The following SLC25A26 variants were observed in gnomAD, a reference collection of about 807,000 sequenced individuals.
SLC25A26 encodes solute carrier family 25 member 26.
SLC25A26 carries 36 observed loss-of-function variants against 37.8 expected under a neutral mutation model. The ratio of observed to expected loss-of-function variants is 0.95; its 90% confidence interval spans 0.73 to 1.26. The LOEUF (loss-of-function observed/expected upper bound fraction) is 1.26. SLC25A26 is among the 50% of genes most tolerant of loss of function. The probability of loss-of-function intolerance (pLI) is 0.00; values close to 1 mark genes in which losing one functional copy is unlikely to be tolerated. For synonymous variants in SLC25A26, 129 were observed against 122.5 expected, an observed-to-expected ratio of 1.05 and a Z score of -0.35; for missense variants, 390 against 331.1, an observed-to-expected ratio of 1.18 and a Z score of -1.38.
At chr3:66,194,243 A>G (rs2071000360) in intron 1 of SLC25A26, among the ~76,000 whole-genome samples, 2 of 152,138 alleles carry the variant, frequency 1.3e-5, no homozygotes, top group Non-Finnish European at 2.9e-5. Context: ...TGTTTTGCTC[A>G]TTGTGTATTT....
chr3:66,328,409 C>T (rs2075890972), intron 5 of SLC25A26, among the ~76,000 whole-genome samples: 1 of 152,110 alleles, frequency 6.6e-6, no homozygotes, highest in African/African-American at 2.4e-5. Flanking sequence ...ACATGTGGTC[C>T]TAACACATTA....
intron 5 of SLC25A26, among the ~76,000 whole-genome samples, chr3:66,301,448 A>G (rs2075073193): frequency 6.6e-6 from 1 of 152,176 alleles, no homozygotes; most frequent in African/African-American, 2.4e-5. Flanking sequence ...CAATTCGTCT[A>G]TGCCTTTTGA....
chr3:66,236,146 A>G (rs953394206), intron 1 of SLC25A26, among the ~76,000 whole-genome samples: 2 of 149,012 alleles, frequency 1.3e-5, no homozygotes, highest in South Asian at 2.1e-4. Context: ...TCCTGGCCTC[A>G]AGTGATCCTC....
In SLC25A26 at chr3:66,140,879, G is replaced by A. The variant is rs779347558; in HGVS notation, c.-354+6895G>A. ...AGGCATGATTGAACTAACAGGTTCCGGACTGCCAAGTCCCTTGCAAGACTT... is the reference window on the plus strand; with the variant it reads ...AGGCATGATTGAACTAACAGGTTCCAGACTGCCAAGTCCCTTGCAAGACTT... On this transcript the variant is annotated intron_variant, in intron 1 of 10. Transcript: ENST00000676754. 5.3e-4 allele frequency among the ~76,000 whole-genome samples: 80 copies of A among 152,038 alleles called. 1 individual carries two copies. The highest frequency in any genetic ancestry group is 1.3e-3 in the Admixed American group (20 of 15,258).
chr3:66,199,232 A>T (rs1344411069), intron 1 of SLC25A26, among the ~76,000 whole-genome samples: 2 of 150,460 alleles, frequency 1.3e-5, no homozygotes, highest in Admixed American at 1.3e-4. Flanking sequence ...CCTGAACCTG[A>T]CTCTCACCCT....
intron 1 of SLC25A26, among the ~76,000 whole-genome samples, chr3:66,145,895 A>C (rs1000607396): frequency 7.5e-6 from 1 of 133,586 alleles, no homozygotes; most frequent in African/African-American, 2.9e-5. Context: ...TTTGAAAAAA[A>C]GCAAATAACT....
At position 66,378,091 on chromosome 3, in the gene SLC25A26, T is replaced by C. The variant is rs1242991156; in HGVS notation, c.*284T>C. 6 of 298,530 alleles carry C rather than the reference T, an allele frequency of 2.0e-5. No individual in the cohort carries two copies. The highest frequency in any genetic ancestry group is 6.3e-5 in the African/African-American group (3 of 47,644). The allele number at this position is 298,530 out of a possible 1,614,324, so 18.5% of individuals were successfully genotyped here. On this transcript the variant is annotated 3_prime_UTR_variant, in exon 10 of 10. Coordinates refer to ENST00000354883, the MANE Select transcript of SLC25A26 (RefSeq NM_001379210.1). ...GTTTGGTAATGCTGAGGCCAGGCCT[T>C]TTAGAGCTTTCATTTGATCTGTATC... is the stretch of plus-strand genomic sequence containing the variant.
intron 1 of SLC25A26, among the ~76,000 whole-genome samples, chr3:66,204,501 A>C (rs2071153072): frequency 6.6e-6 from 1 of 152,114 alleles, no homozygotes; most frequent in African/African-American, 2.4e-5. Flanking sequence ...ATTTGATAGA[A>C]GTATGAAATC....
chr3:66,364,473 G>C (rs188547447), intron 7 of SLC25A26, among the ~76,000 whole-genome samples: 52 of 152,280 alleles, frequency 3.4e-4, no homozygotes, highest in African/African-American at 1.2e-3. Flanking sequence ...TACACATCTA[G>C]CACAGGCTGA....
At chr3:66,188,859 C>T (rs1453450990) in intron 1 of SLC25A26, among the ~76,000 whole-genome samples, 5 of 152,000 alleles carry the variant, frequency 3.3e-5, no homozygotes, top group African/African-American at 9.7e-5. Flanking sequence ...CTGTTCGTCA[C>T]GCTGAACCTG....
rs2076658091 is a variant in SLC25A26, at chr3:66,359,852, A to G, written c.499-3008A>G. On this transcript the variant is annotated intron_variant, in intron 6 of 9. Coordinates refer to ENST00000354883, the MANE Select transcript of SLC25A26 (RefSeq NM_001379210.1). ...ATATTATCTTTAGAAACCAGTCTCT[A>G]ATAAGTCTTTTCTTTTTTAGCTTAT... Among the ~76,000 whole-genome samples, 7 of 152,328 alleles carry G rather than the reference A, an allele frequency of 4.6e-5. No homozygotes were observed. In the South Asian group the frequency reaches 1.4e-3, roughly 32 times the overall value.
rs533375182 is a variant in SLC25A26, at chr3:66,350,719, C to T, written c.498+4311C>T. On this transcript the variant is annotated intron_variant, in intron 6 of 9. Transcript: ENST00000354883. ...GTGTGTGTGTGTGTGTGTGTGAGCG[C>T]GCGCGTGCGCGCACACCCACACGCA... is the stretch of plus-strand genomic sequence containing the variant. Among the ~76,000 whole-genome samples, 16 of 151,970 alleles carry T rather than the reference C, an allele frequency of 1.1e-4. No homozygotes were observed. The South Asian group carries it at 1.7e-3, about 16-fold the overall frequency.
chr3:66,199,901 T>A (rs1288203357), intron 1 of SLC25A26, among the ~76,000 whole-genome samples: 1 of 152,166 alleles, frequency 6.6e-6, no homozygotes, highest in East Asian at 1.9e-4. Flanking sequence ...AACTACACCC[T>A]AACCATGACA....
At chr3:66,343,417 T>C (rs915853813) in intron 5 of SLC25A26, among the ~76,000 whole-genome samples, 1 of 152,256 alleles carries the variant, frequency 6.6e-6, no homozygotes, top group Non-Finnish European at 1.5e-5. Flanking sequence ...CTTTAGACTG[T>C]CAGTCTTGTT....
At chr3:66,372,749 C>G (rs1248898174) in intron 9 of SLC25A26, among the ~76,000 whole-genome samples, 1 of 152,146 alleles carries the variant, frequency 6.6e-6, no homozygotes, top group South Asian at 2.1e-4. Flanking sequence ...ACAGAAAAAC[C>G]TGGGTGGCTG....
chr3:66,158,876 G>A (rs1485953343), intron 1 of SLC25A26, among the ~76,000 whole-genome samples: 6 of 152,116 alleles, frequency 3.9e-5, no homozygotes. Context: ...AGCCTGCTAA[G>A]AGTCTGCACA....
intron 5 of SLC25A26, among the ~76,000 whole-genome samples, chr3:66,293,846 C>T (rs1284270914): frequency 6.6e-6 from 1 of 152,084 alleles, no homozygotes; most frequent in Non-Finnish European, 1.5e-5. Flanking sequence ...CTGCAGTGAA[C>T]ATACGTGTGC....
chr3:66,363,315 A>G (rs2076754653), intron 7 of SLC25A26, among the ~76,000 whole-genome samples: 1 of 152,186 alleles, frequency 6.6e-6, no homozygotes, highest in Non-Finnish European at 1.5e-5. Context: ...TTTCTGCAGA[A>G]GGCCATGATT....
intron 5 of SLC25A26, among the ~76,000 whole-genome samples, chr3:66,269,130 C>CTTTG (rs2073866096): frequency 6.6e-6 from 1 of 152,232 alleles, no homozygotes; most frequent in African/African-American, 2.4e-5. Context: ...GTGCTAGGAA[C>CTTTG]TTTGCATAGA....
Sources: allele counts gnomAD v4.1 joint callset (sites outside exome capture counted in the v4.1 genomes callset), GRCh38; gene constraint gnomAD v4.1.1; transcripts MANE v1.5; gene names NCBI Gene and HGNC (gene_info 2026-07-23, HGNC 2026-07-21).